CDH2: variants seen among roughly 807,000 people sequenced by gnomAD.
CDH2 encodes the protein cadherin-2.
A neutral mutation model predicts 92.0 loss-of-function variants in CDH2; 17 were observed. That is an observed-to-expected ratio of 0.18 (90% confidence interval 0.13 to 0.28). The LOEUF is 0.28. Among genes scored for constraint, CDH2 ranks in the 10% least tolerant of loss-of-function variants. The pLI is 1.00. For synonymous variants in CDH2, 419 were observed against 415.9 expected, an observed-to-expected ratio of 1.01 and a Z score of -0.09; for missense variants, 862 against 1,133.1, an observed-to-expected ratio of 0.76 and a Z score of 3.44.
chr18:28,031,566 T>C (rs1022851802), intron 2 of CDH2, among the ~76,000 whole-genome samples: 5 of 152,110 alleles, frequency 3.3e-5, no homozygotes, highest in Middle Eastern at 3.2e-3. Flanking sequence ...CCTAGCTCAC[T>C]GGGTCTCTAC....
At chr18:28,028,816 T>A (rs886355904) in intron 2 of CDH2, among the ~76,000 whole-genome samples, 4 of 152,150 alleles carry the variant, frequency 2.6e-5, no homozygotes. Flanking sequence ...CAACCTGATG[T>A]GTATTAAGTA....
intron 7 of CDH2, 117 bp downstream of exon 7, chr18:28,002,879 AT>A: frequency 1.1e-6 from 1 of 949,880 alleles, no homozygotes; most frequent in East Asian, 2.4e-5. Context: ...AATGAAAACG[AT>A]TAGCATTTGA....
At chr18:28,173,702 T>C (rs2016496962) in intron 1 of CDH2, among the ~76,000 whole-genome samples, 2 of 152,152 alleles carry the variant, frequency 1.3e-5, no homozygotes, top group Non-Finnish European at 2.9e-5. Context: ...CCATAACCCA[T>C]ACAAACGTAT....
At chr18:27,933,854 A>G (rs1179981807) in intron 6 of CDH2, among the ~76,000 whole-genome samples, 11 of 152,210 alleles carry the variant, frequency 7.2e-5, no homozygotes, top group Non-Finnish European at 8.8e-5. Context: ...TCCAAACCCG[A>G]TAAGTATTTA....
intron 2 of CDH2, among the ~76,000 whole-genome samples, chr18:28,085,586 C>T (rs771020911): frequency 6.6e-6 from 1 of 152,132 alleles, no homozygotes; most frequent in Non-Finnish European, 1.5e-5. Flanking sequence ...TACATCTGCA[C>T]CTTCTAGCCA....
chr18:28,021,641 A>G (rs1370144471), intron 2 of CDH2, among the ~76,000 whole-genome samples: 1 of 151,966 alleles, frequency 6.6e-6, no homozygotes, highest in African/African-American at 2.4e-5. Context: ...GTAATACCTC[A>G]AAATGATGTT....
intron 7 of CDH2, among the ~76,000 whole-genome samples, chr18:27,999,808 A>T (rs1172215236): frequency 6.6e-6 from 1 of 151,804 alleles, no homozygotes; most frequent in African/African-American, 2.4e-5. Context: ...CTTGAATTGT[A>T]ATCCTCATAA....
At chr18:28,151,005 A>G (rs1281357674) in intron 1 of CDH2, among the ~76,000 whole-genome samples, 1 of 152,224 alleles carries the variant, frequency 6.6e-6, no homozygotes, top group African/African-American at 2.4e-5. Flanking sequence ...AGCTGGACAT[A>G]GTGGAGGCTT....
At chr18:27,984,226 T>C (rs1367450670) in intron 13 of CDH2, among the ~76,000 whole-genome samples, 15 of 152,186 alleles carry the variant, frequency 9.9e-5, no homozygotes, top group Admixed American at 9.8e-4. Context: ...TGGCCAACAT[T>C]TTCAAGAAAG....
At chr18:28,044,743 C>T (rs904387241) in intron 2 of CDH2, among the ~76,000 whole-genome samples, 2 of 150,928 alleles carry the variant, frequency 1.3e-5, no homozygotes, top group African/African-American at 2.4e-5. Flanking sequence ...GAAGCTTGCA[C>T]ATGTTTTCAA....
At chr18:28,091,823 A>AC (rs139897446) in intron 2 of CDH2, among the ~76,000 whole-genome samples, 1 of 150,968 alleles carries the variant, frequency 6.6e-6, no homozygotes. Context: ...CCCCCACCCC[A>AC]CCACCGCCAT....
intron 2 of CDH2, among the ~76,000 whole-genome samples, chr18:28,014,230 A>C (rs905280591): frequency 1.3e-5 from 2 of 151,990 alleles, no homozygotes; most frequent in Non-Finnish European, 2.9e-5. Flanking sequence ...ACCCTATTAC[A>C]AACTTCCACT....
intron 2 of CDH2, among the ~76,000 whole-genome samples, chr18:28,088,449 C>A (rs1036228172): frequency 6.6e-6 from 1 of 152,192 alleles, no homozygotes; most frequent in African/African-American, 2.4e-5. Context: ...AATTGAAAAT[C>A]ATTTGGATGT....
rs189085149 is a variant in CDH2, at chr18:28,007,363, A to G, written c.703-1370T>C. On this transcript the variant is annotated intron_variant, in intron 5 of 15. Coordinates refer to ENST00000269141, the MANE Select transcript of CDH2 (RefSeq NM_001792.5). ...GAATAGATTCATTTCATTCTTTCCA[A>G]TGGCTGTTTAGTGCTCCTTTAATTG... Among the ~76,000 whole-genome samples, 10 of 151,782 alleles carry G rather than the reference A, an allele frequency of 6.6e-5. No individual in the cohort carries two copies. The East Asian group carries it at 1.6e-3, about 24-fold the overall frequency.
chr18:28,146,652 C>A (rs1333320470), intron 2 of CDH2: 1 of 152,020 alleles, frequency 6.6e-6, no homozygotes, highest in African/African-American at 2.4e-5. Flanking sequence ...AGCTAAGAGG[C>A]CATTTACATT....
At chr18:28,003,832 C>A (rs17493625) in intron 6 of CDH2, among the ~76,000 whole-genome samples, 1 of 152,126 alleles carries the variant, frequency 6.6e-6, no homozygotes, top group Non-Finnish European at 1.5e-5. Context: ...GCCTTTGTAT[C>A]GAATTAGTTC....
chr18:28,081,256 T>G (rs2014822915), intron 2 of CDH2, among the ~76,000 whole-genome samples: 1 of 152,190 alleles, frequency 6.6e-6, no homozygotes. Flanking sequence ...TTTGAAATTG[T>G]TTACTTATGT....
intron 2 of CDH2, among the ~76,000 whole-genome samples, chr18:28,137,936 G>T (rs903475698): frequency 1.3e-5 from 2 of 151,990 alleles, no homozygotes; most frequent in African/African-American, 4.8e-5. Context: ...CACAGGCCAA[G>T]AATTAAAATA....
At chr18:27,986,126 T>C (rs2012225461) in intron 11 of CDH2, among the ~76,000 whole-genome samples, 1 of 152,158 alleles carries the variant, frequency 6.6e-6, no homozygotes, top group African/African-American at 2.4e-5. Flanking sequence ...CTCGTGATCC[T>C]GTTGACACTA....
Sources: allele counts gnomAD v4.1 joint callset (sites outside exome capture counted in the v4.1 genomes callset), GRCh38; gene constraint gnomAD v4.1.1; transcripts MANE v1.5; gene names NCBI Gene and HGNC (gene_info 2026-07-23, HGNC 2026-07-21).